The following USH2A variants were observed in gnomAD, a reference collection of about 807,000 sequenced individuals.
USH2A encodes usherin.
A neutral mutation model predicts 538.9 loss-of-function variants in USH2A; 443 were observed. That is an observed-to-expected ratio of 0.82 (90% confidence interval 0.76 to 0.89). The LOEUF (loss-of-function observed/expected upper bound fraction) is 0.89, where lower values mean the gene tolerates loss of function less well. USH2A is among the 40% of genes least tolerant of loss of function. The pLI, the probability that USH2A is intolerant of heterozygous loss-of-function variation, is 0.00. For synonymous variants in USH2A, 2,413 were observed against 2,273.5 expected (o/e 1.06, Z -1.75); for missense variants, 6,633 against 6,324.8 (o/e 1.05, Z -1.65).
At chr1:215,651,322 G>A (rs1273641413) in intron 64 of USH2A, among the ~76,000 whole-genome samples, 3 of 152,156 alleles carry the variant, frequency 2.0e-5, no homozygotes, top group Admixed American at 6.5e-5. Flanking sequence ...GCCTTAGGTC[G>A]TCATTTGCAT....
chr1:215,969,554 T>C (rs993854261), intron 36 of USH2A, among the ~76,000 whole-genome samples: 2 of 152,052 alleles, frequency 1.3e-5, no homozygotes, highest in African/African-American at 4.8e-5. Context: ...TTTTCTTTTT[T>C]TTTTTTTGAA....
At chr1:215,684,696 G>T (rs1485261314) in intron 61 of USH2A, among the ~76,000 whole-genome samples, 1 of 152,070 alleles carries the variant, frequency 6.6e-6, no homozygotes, top group African/African-American at 2.4e-5. Flanking sequence ...AATCTTCCTG[G>T]TCACCATCAA....
intron 64 of USH2A, among the ~76,000 whole-genome samples, chr1:215,651,007 T>C (rs1657058909): frequency 1.3e-5 from 2 of 152,166 alleles, no homozygotes; most frequent in Non-Finnish European, 2.9e-5. Flanking sequence ...ATTTTTTGCC[T>C]TTTGCCTTTG....
At position 215,932,340 on chromosome 1, in the gene USH2A, A is replaced by T. The variant is rs182664744; in HGVS notation, c.7300+2276T>A. ...AGTTCACTGGACAAAGGCATGGAAG[A>T]TTTCTTTAATAACTCTCAGTACTAA... On this transcript the variant is annotated intron_variant, in intron 38 of 71. Coordinates refer to ENST00000307340, the MANE Select transcript of USH2A (RefSeq NM_206933.4). Among the ~76,000 whole-genome samples, 451 of 152,112 alleles carry T rather than the reference A, an allele frequency of 3.0e-3. 1 individual carries two copies. Among genetic ancestry groups the T allele is most frequent in the South Asian group, 6.0e-3 (29 of 4,814 alleles).
intron 27 of USH2A, among the ~76,000 whole-genome samples, chr1:216,074,744 T>C (rs547269107): frequency 6.6e-6 from 1 of 152,320 alleles, no homozygotes; most frequent in Admixed American, 6.5e-5. Flanking sequence ...TTATCAGTAG[T>C]AATTTTCTGA....
At chr1:216,120,798 C>T (rs1356661229) in intron 21 of USH2A, among the ~76,000 whole-genome samples, 4 of 151,964 alleles carry the variant, frequency 2.6e-5, no homozygotes, top group Non-Finnish European at 4.4e-5. Flanking sequence ...TTGCAGTGAG[C>T]CGAGATGGCG....
chr1:216,161,822 TA>T (rs984546715), intron 21 of USH2A, among the ~76,000 whole-genome samples: 5 of 152,050 alleles, frequency 3.3e-5, no homozygotes, highest in Non-Finnish European at 5.9e-5. Context: ...TTATTATTGT[TA>T]AAAAAATAAT....
chr1:216,022,622 G>A (rs1306659945), intron 32 of USH2A, among the ~76,000 whole-genome samples: 1 of 152,070 alleles, frequency 6.6e-6, no homozygotes, highest in Non-Finnish European at 1.5e-5. Context: ...TAAGAAAGAG[G>A]GAGGCAAGGA....
intron 47 of USH2A, among the ~76,000 whole-genome samples, chr1:215,830,135 T>A (rs1663270947): frequency 1.3e-5 from 2 of 152,314 alleles, no homozygotes; most frequent in South Asian, 4.1e-4. Context: ...CTTCCCATCT[T>A]TAACCCAAGG....
intron 16 of USH2A, among the ~76,000 whole-genome samples, chr1:216,200,564 T>C (rs541480773): frequency 6.6e-6 from 1 of 152,358 alleles, no homozygotes; most frequent in South Asian, 2.1e-4. Context: ...AAAATTTTCT[T>C]ATTTTCTGAC....
At chr1:215,933,924 C>T (rs1165368549) in intron 38 of USH2A, among the ~76,000 whole-genome samples, 1 of 151,900 alleles carries the variant, frequency 6.6e-6, no homozygotes, top group Non-Finnish European at 1.5e-5. Flanking sequence ...AGGGGTTTTC[C>T]TCAATGCGAT....
At chr1:216,265,304 C>G (rs385463) in intron 11 of USH2A, among the ~76,000 whole-genome samples, 1 of 151,686 alleles carries the variant, frequency 6.6e-6, no homozygotes. Flanking sequence ...ACAATATTAT[C>G]TTTTCCCAGT....
intron 21 of USH2A, among the ~76,000 whole-genome samples, chr1:216,141,701 T>C (rs1421749141): frequency 2.0e-5 from 3 of 152,210 alleles, no homozygotes; most frequent in Non-Finnish European, 4.4e-5. Context: ...ACTGAGAATC[T>C]GGCATACCAT....
intron 4 of USH2A, among the ~76,000 whole-genome samples, chr1:216,355,079 G>T (rs561678552): frequency 2.6e-5 from 4 of 151,928 alleles, no homozygotes; most frequent in African/African-American, 9.7e-5. Flanking sequence ...AGGCTGAGGA[G>T]GGTGGATCAT....
At chr1:216,233,439 A>G (rs1180022458) in intron 13 of USH2A, among the ~76,000 whole-genome samples, 1 of 152,132 alleles carries the variant, frequency 6.6e-6, no homozygotes, top group Non-Finnish European at 1.5e-5. Context: ...CATGAAAATT[A>G]TAATCAATCT....
At chr1:215,866,020 T>C (rs1558134384) in intron 44 of USH2A, among the ~76,000 whole-genome samples, 2 of 152,216 alleles carry the variant, frequency 1.3e-5, no homozygotes, top group Non-Finnish European at 2.9e-5. Flanking sequence ...ACTTTTCATC[T>C]TTTTATATCA....
At chr1:216,288,363 T>C (rs1319178609) in intron 11 of USH2A, among the ~76,000 whole-genome samples, 1 of 152,108 alleles carries the variant, frequency 6.6e-6, no homozygotes, top group African/African-American at 2.4e-5. Flanking sequence ...TATTGACACA[T>C]GATGGTTACT....
rs185550916 is a variant in USH2A at position 216,338,557 on chromosome 1, C to T, written c.785-10903G>A. ...AACCATAAAAAGTAACTGATATATTCGCCAATGTTAAAATTTAAAACTCTT... is the reference window on the plus strand; with the variant it reads ...AACCATAAAAAGTAACTGATATATTTGCCAATGTTAAAATTTAAAACTCTT... On this transcript the variant is annotated intron_variant, in intron 4 of 71. Transcript: ENST00000307340. 5.9e-3 allele frequency among the ~76,000 whole-genome samples: 893 copies of T among 151,452 alleles called. 3 individuals are homozygous for T. The highest frequency in any genetic ancestry group is 9.0e-3 in the Non-Finnish European group (608 of 67,540).
chr1:216,409,699 C>T (rs1161575589), intron 3 of USH2A, among the ~76,000 whole-genome samples: 1 of 152,044 alleles, frequency 6.6e-6, no homozygotes, highest in East Asian at 1.9e-4. Flanking sequence ...AAACTGGACC[C>T]CTTCCTTATA....
Sources: allele counts gnomAD v4.1 joint callset (sites outside exome capture counted in the v4.1 genomes callset), GRCh38; gene constraint gnomAD v4.1.1; transcripts MANE v1.5; gene names NCBI Gene and HGNC (gene_info 2026-07-23, HGNC 2026-07-21).